Variants in CELF2 observed in about 807,000 individuals in gnomAD.
CELF2 encodes CUGBP Elav-like family member 2, also known as CUG triplet repeat RNA-binding protein 2.
CELF2 carries 8 observed loss-of-function variants against 62.6 expected under a neutral mutation model. The observed-to-expected ratio is 0.13, with a 90% confidence interval of 0.07 to 0.23. The LOEUF (loss-of-function observed/expected upper bound fraction) is 0.23, where lower values mean the gene tolerates loss of function less well. Among genes scored for constraint, CELF2 ranks in the 10% least tolerant of loss-of-function variants. The pLI is 1.00. For missense variants in CELF2, 333 were observed against 671.0 expected, an observed-to-expected ratio of 0.50 and a Z score of 5.56; for synonymous variants, 258 against 250.0, an observed-to-expected ratio of 1.03 and a Z score of -0.30.
rs1018868044 is a variant in CELF2 at position 11,331,675 on chromosome 10, AATTGTT to A, written c.*2629_*2634del. ...GCTATCCTGTGGTCTTGTTGCCTGA[AATTGTT>A]ATTGTTTGTTATTTCTCTCTGATGT... On this transcript the variant is annotated 3_prime_UTR_variant, in exon 13 of 13. Transcript: ENST00000633077. 1.3e-5 allele frequency: 2 copies of A among 152,384 alleles called. No homozygotes were observed. Among genetic ancestry groups the A allele is most frequent in the African/African-American group, 4.8e-5 (2 of 41,408 alleles). 9.4% of individuals were successfully genotyped at this position (152,384 alleles called of 1,614,324 possible).
At chr10:10,532,531 T>C in the CELF2 span, among the ~76,000 whole-genome samples, 74,362 of 152,004 alleles carry the variant, frequency 0.49, 18,973 homozygotes, top group South Asian at 0.66. Context: ...CAAAGTGTAT[T>C]GTGATAAAGT....
chr10:11,005,783 C>T lies in CELF2; in HGVS notation c.53+343C>T, dbSNP rs2055146308. Among the ~76,000 whole-genome samples the T allele has an allele frequency of 6.6e-6, 1 of 152,154 alleles. No homozygotes were observed. The highest frequency in any genetic ancestry group is 2.4e-5 in the African/African-American group (1 of 41,436). On this transcript the variant is annotated intron_variant, in intron 1 of 12. Coordinates refer to the CELF2 transcript ENST00000416382. The surrounding 1 kb of genome is among the most constrained non-coding windows in gnomAD (Gnocchi z 4.3). Reference sequence around the variant, plus strand: ...GTCTTTTCCTTTGCAATGTCTAAGCCTCTTTCATTTTTATGCACTCTGCAT... The same window carrying T: ...GTCTTTTCCTTTGCAATGTCTAAGCTTCTTTCATTTTTATGCACTCTGCAT...
At chr10:11,216,627 G>C (rs1297349940) in intron 2 of CELF2, among the ~76,000 whole-genome samples, 2 of 152,180 alleles carry the variant, frequency 1.3e-5, no homozygotes. Flanking sequence ...AGAAGGAATA[G>C]TCTAGGATTT....
the CELF2 span, among the ~76,000 whole-genome samples, chr10:10,728,195 C>T: frequency 6.6e-6 from 1 of 150,836 alleles, no homozygotes; most frequent in African/African-American, 2.4e-5. Flanking sequence ...AATCCCAGCA[C>T]TTTGGGAGGC....
the CELF2 span, among the ~76,000 whole-genome samples, chr10:10,589,929 A>C: frequency 6.6e-6 from 1 of 152,192 alleles, no homozygotes; most frequent in Non-Finnish European, 1.5e-5. Flanking sequence ...TCCTTAAAAC[A>C]ACCCTAAAGT....
the CELF2 span, among the ~76,000 whole-genome samples, chr10:10,529,389 A>G: frequency 1.3e-5 from 2 of 152,302 alleles, no homozygotes; most frequent in African/African-American, 2.4e-5. Context: ...TGGGGTAGAA[A>G]GAAGGTGAGT....
intron 1 of CELF2, among the ~76,000 whole-genome samples, chr10:10,867,732 G>A (rs989793209): frequency 6.6e-6 from 1 of 152,192 alleles, no homozygotes; most frequent in Non-Finnish European, 1.5e-5. Flanking sequence ...GATCAATCCA[G>A]TCATGTTCTT....
intron 1 of CELF2, among the ~76,000 whole-genome samples, chr10:11,147,982 G>A (rs573754062): frequency 2.0e-5 from 3 of 152,352 alleles, no homozygotes; most frequent in African/African-American, 7.2e-5. Flanking sequence ...GCAGAATGAG[G>A]AAGGTGTGTG....
rs2138446669 is a variant in CELF2, at chr10:11,267,898, T to G, written c.618+1221T>G. On this transcript the variant is annotated intron_variant, in intron 6 of 12. Coordinates refer to ENST00000633077, the MANE Select transcript of CELF2 (RefSeq NM_001326342.2). The surrounding 1 kb of genome is among the most constrained non-coding windows in gnomAD (Gnocchi z 4.4). ...AGCATTGCAAAGCCTATTGTCTTTT[T>G]CGAACATTGATCTTGACTTTGATAT... Among the ~76,000 whole-genome samples the G allele has an allele frequency of 6.6e-6, 1 of 152,332 alleles. No homozygotes were observed. The highest frequency in any genetic ancestry group is 2.1e-4 in the South Asian group (1 of 4,824).
At chr10:10,887,377 C>T (rs547516198) in intron 1 of CELF2, among the ~76,000 whole-genome samples, 1 of 152,320 alleles carries the variant, frequency 6.6e-6, no homozygotes, top group Admixed American at 6.5e-5. Context: ...AATGTGGCTG[C>T]TGATAAATCT....
the CELF2 span, among the ~76,000 whole-genome samples, chr10:10,582,759 T>G: frequency 6.6e-6 from 1 of 152,100 alleles, no homozygotes; most frequent in Non-Finnish European, 1.5e-5. Flanking sequence ...ACAAATAAGG[T>G]AAAATAAAGG....
chr10:11,321,006 AT>A lies in CELF2; in HGVS notation c.1097-179del. On this transcript the variant is annotated intron_variant, in intron 10 of 12. Coordinates refer to ENST00000633077, the MANE Select transcript of CELF2 (RefSeq NM_001326342.2). This position sits in a 1 kb window ranked among gnomAD's most constrained non-coding sequence, Gnocchi z 6.2. The stretch of plus-strand genomic sequence containing the variant: ...AGTGAGGGTTCTCATGGCTTAGGTC[AT>A]TTTCCCCCATTATCACGATTTATTT... 7 of 1,367,750 alleles carry A rather than the reference AT, an allele frequency of 5.1e-6. No homozygotes were observed. Among genetic ancestry groups the A allele is most frequent in the Non-Finnish European group, 4.0e-6 (4 of 999,116 alleles). The allele number at this position is 1,367,750 out of a possible 1,614,324, so 84.7% of individuals were successfully genotyped here. A position where few individuals can be genotyped will look rare whatever the true frequency, so the allele number is the denominator to read the frequency against.
At chr10:11,216,661 G>A (rs907187861) in intron 2 of CELF2, among the ~76,000 whole-genome samples, 1 of 152,218 alleles carries the variant, frequency 6.6e-6, no homozygotes, top group East Asian at 1.9e-4. Flanking sequence ...TTTGGTGGAG[G>A]AGGTTGGCTG....
chr10:10,906,501 G>C lies in CELF2; in HGVS notation c.54-13463G>C, dbSNP rs908358569. 2.0e-5 allele frequency among the ~76,000 whole-genome samples: 3 copies of C among 152,122 alleles called. No homozygotes were observed. In the East Asian group the frequency reaches 5.8e-4, roughly 29 times the overall value. ...TGAACTAGCATTGAGACAGAATCTA[G>C]ATTATGAGAAGGTAGCATTTCACTA... On this transcript the variant is annotated intron_variant, in intron 1 of 13. Transcript: ENST00000636488.
intron 2 of CELF2, among the ~76,000 whole-genome samples, chr10:10,926,037 A>G (rs1291339439): frequency 6.6e-6 from 1 of 152,032 alleles, no homozygotes; most frequent in Non-Finnish European, 1.5e-5. Context: ...GTCCTTCTTT[A>G]TTATTTTTCT....
intron 1 of CELF2, among the ~76,000 whole-genome samples, chr10:10,799,664 T>C (rs894308771): frequency 1.5e-5 from 2 of 135,302 alleles, no homozygotes; most frequent in African/African-American, 5.5e-5. Context: ...ACATAAAGTC[T>C]TTCTCTGAAT....
chr10:10,641,435 T>TTTTTGTTTTC, the CELF2 span, among the ~76,000 whole-genome samples: 20 of 152,278 alleles, frequency 1.3e-4, no homozygotes, highest in East Asian at 3.7e-3. Flanking sequence ...CAGAGGTTTT[T>TTTTTGTTTTC]TTTTGTTTTC....
chr10:10,558,644 G>A, the CELF2 span, among the ~76,000 whole-genome samples: 15 of 152,036 alleles, frequency 9.9e-5, no homozygotes, highest in Admixed American at 3.3e-4. Context: ...GGTAGAATTC[G>A]GCTGTGAATC....
the CELF2 span, among the ~76,000 whole-genome samples, chr10:10,578,913 C>A: frequency 6.6e-6 from 1 of 152,312 alleles, no homozygotes; most frequent in Non-Finnish European, 1.5e-5. Flanking sequence ...ACTTTCACAT[C>A]TATTAGCTGC....
Sources: allele counts gnomAD v4.1 joint callset (sites outside exome capture counted in the v4.1 genomes callset), GRCh38; gene constraint gnomAD v4.1.1; non-coding constraint Gnocchi (gnomAD v3.1); transcripts MANE v1.5; gene names NCBI Gene and HGNC (gene_info 2026-07-23, HGNC 2026-07-21).